Variants in TRAF7 observed in about 807,000 individuals in gnomAD.
The protein encoded by TRAF7 is E3 ubiquitin-protein ligase TRAF7.
In TRAF7, 45 loss-of-function variants were observed where a neutral mutation model predicts 89.3. That is an observed-to-expected ratio of 0.50 (90% CI 0.40 to 0.65). The LOEUF (loss-of-function observed/expected upper bound fraction) is 0.65. Ranked by LOEUF, TRAF7 falls within the 30% of genes least tolerant of loss-of-function variation. The probability of loss-of-function intolerance (pLI) is 0.00; values close to 1 mark genes in which losing one functional copy is unlikely to be tolerated. For synonymous variants in TRAF7, 406 were observed against 369.2 expected, an observed-to-expected ratio of 1.10 and a Z score of -1.14; for missense variants, 677 against 918.1, an observed-to-expected ratio of 0.74 and a Z score of 3.39.
chr16:2,175,020 T>C, intron 14 of TRAF7, 91 bp from the exon 15 acceptor site: 1 of 1,528,822 alleles, frequency 6.5e-7, no homozygotes, highest in Non-Finnish European at 9.1e-7. Flanking sequence ...TGCTGGTTCC[T>C]GATGGCTGGC....
At chr16:2,171,033 G>T (rs999207359) in intron 5 of TRAF7, among the ~76,000 whole-genome samples, 1 of 152,190 alleles carries the variant, frequency 6.6e-6, no homozygotes, top group African/African-American at 2.4e-5. Context: ...GGCGGCCAAG[G>T]CTGGGCGGCT....
In TRAF7 at chr16:2,159,663, C is replaced by G. The variant is rs956314820; in HGVS notation, c.-39+3805C>G. 1.3e-5 allele frequency among the ~76,000 whole-genome samples: 2 copies of G among 152,212 alleles called. No individual in the cohort carries two copies. Among genetic ancestry groups the G allele is most frequent in the African/African-American group, 4.8e-5 (2 of 41,456 alleles). ...CGCAGTCCAGCCAGCCGGCCACACACAGCCCTGTGGCAGGCGGGGCGGAGG... is the reference window on the plus strand; with the variant it reads ...CGCAGTCCAGCCAGCCGGCCACACAGAGCCCTGTGGCAGGCGGGGCGGAGG... On this transcript the variant is annotated intron_variant, in intron 1 of 20. Coordinates refer to ENST00000326181, the MANE Select transcript of TRAF7 (RefSeq NM_032271.3). The surrounding 1 kb of genome is among the most constrained non-coding windows in gnomAD (Gnocchi z 6.5).
chr16:2,170,580 G>A lies in TRAF7; in HGVS notation c.232-34G>A, dbSNP rs1314285411. 4 of 1,560,416 alleles carry A rather than the reference G, an allele frequency of 2.6e-6. No homozygotes were observed. In the African/African-American group the frequency reaches 5.5e-5, roughly 21 times the overall value. ...CTCCCCGAGGCTCTGACCCCGTGCG[G>A]AGCCCCCCGACAGGCGCCTCTCCCT... On this transcript the variant is annotated intron_variant, in intron 4 of 20. Coordinates refer to ENST00000326181, the MANE Select transcript of TRAF7 (RefSeq NM_032271.3).
In TRAF7 at chr16:2,168,688, T is replaced by C. The variant is rs1466378335; in HGVS notation, c.231+520T>C. On this transcript the variant is annotated intron_variant, in intron 4 of 20. Transcript: ENST00000326181. The surrounding 1 kb of genome is among the most constrained non-coding windows in gnomAD (Gnocchi z 4.1). ...GTGCTGGGGGAGCCGGAGAATTCCCTGTTGCTGGCTGTGTGAGGTGCAGAA... is the reference window on the plus strand; with the variant it reads ...GTGCTGGGGGAGCCGGAGAATTCCCCGTTGCTGGCTGTGTGAGGTGCAGAA... 6.6e-6 allele frequency among the ~76,000 whole-genome samples: 1 copy of C among 151,930 alleles called. No homozygotes were observed. The highest frequency in any genetic ancestry group is 2.4e-5 in the African/African-American group (1 of 41,350).
chr16:2,170,575 G>A (rs369941998), intron 4 of TRAF7, 39 bp from the exon 5 acceptor site: 19 of 1,533,906 alleles, frequency 1.2e-5, no homozygotes, highest in East Asian at 4.6e-5. Flanking sequence ...CTCTGACCCC[G>A]TGCGGAGCCC....
intron 2 of TRAF7, 125 bp downstream of exon 2, chr16:2,164,126 T>TG (rs796357690): frequency 0.019 from 9,281 of 499,632 alleles, 20 homozygotes; most frequent in Non-Finnish European, 0.018. Context: ...GGGAGCTCGG[T>TG]GGGGGGGGGT....
rs2093062082 is a variant in TRAF7 at position 2,162,552 on chromosome 16, A to G, written c.-38-1331A>G. ...ACCAGCTCCGCCACTTTGGCCTGGG[A>G]CTGGGACTGTCCTGCTCCTCTCAGG... is the stretch of plus-strand genomic sequence containing the variant. On this transcript the variant is annotated intron_variant, in intron 1 of 20. Coordinates refer to ENST00000326181, the MANE Select transcript of TRAF7 (RefSeq NM_032271.3). This position sits in a 1 kb window ranked among gnomAD's most constrained non-coding sequence, Gnocchi z 5.0. 6.6e-6 allele frequency among the ~76,000 whole-genome samples: 1 copy of G among 152,020 alleles called. No individual in the cohort carries two copies. The highest frequency in any genetic ancestry group is 1.5e-5 in the Non-Finnish European group (1 of 67,960).
In TRAF7 at chr16:2,165,911, T is replaced by G; in HGVS notation, c.114T>G (p.Phe38Leu). 6.2e-7 allele frequency: 1 copy of G among 1,614,128 alleles called. No homozygotes were observed. Among genetic ancestry groups the G allele is most frequent in the Non-Finnish European group, 8.5e-7 (1 of 1,179,976 alleles). The change falls in exon 3 of 21, where the codon TTT (phenylalanine) becomes TTG (leucine). Residue 38 changes from phenylalanine (F) to leucine (L), a missense_variant. Coordinates refer to ENST00000326181, the MANE Select transcript of TRAF7 (RefSeq NM_032271.3). Reference sequence around the variant, plus strand: ...TGGAAACGACCTTCGGACCCGCCTTTTCAGCCGTCACCACCATCACAAAAG... The same window carrying G: ...TGGAAACGACCTTCGGACCCGCCTTGTCAGCCGTCACCACCATCACAAAAG... ...TRMETTFGPA[F>L]SAVTTITKAD...
In TRAF7 at chr16:2,171,588, G is replaced by T; in HGVS notation, c.458G>T (p.Arg153Ile). 1 of 1,613,330 alleles carries T rather than the reference G, an allele frequency of 6.2e-7. No homozygotes were observed. Among genetic ancestry groups the T allele is most frequent in the African/African-American group, 1.3e-5 (1 of 75,054 alleles). Residue 153 changes from arginine to isoleucine, a missense_variant, in exon 7 of 21, where the codon AGA becomes ATA. Coordinates refer to ENST00000326181, the MANE Select transcript of TRAF7 (RefSeq NM_032271.3). ...ITTCGHTFCR[R>I]CALKSEKCPV... ...CCTCCACAGCACACGTTCTGTAGGA[G>T]ATGCGCCTTGAAGTCAGGTAGGTTT... is the stretch of plus-strand genomic sequence containing the variant.
rs772638624 is a variant in TRAF7 at position 2,172,243 on chromosome 16, G to A, written c.528G>A (p.Ala176=). The part of the protein sequence containing the change: ...VKLTVVVNNI[A]VAEQIGELFI... ...TGACCGTGGTGGTGAACAACATCGC[G>A]GTGGCCGAGCAGATCGGGGAGCTCT... The change falls in exon 8 of 21, where the codon GCG becomes GCA. Residue 176 remains alanine, a synonymous_variant. Transcript: ENST00000326181. The A allele has an allele frequency of 3.5e-5, 56 of 1,612,922 alleles. No homozygotes were observed. The highest frequency in any genetic ancestry group is 4.4e-5 in the Non-Finnish European group (52 of 1,180,002).
At chr16:2,156,344 C>T (rs973227599) in intron 1 of TRAF7, among the ~76,000 whole-genome samples, 1 of 152,192 alleles carries the variant, frequency 6.6e-6, no homozygotes, top group Non-Finnish European at 1.5e-5. Context: ...AACACCACCC[C>T]TTCCTCAATT....
At chr16:2,169,489 C>T (rs1016782324) in intron 4 of TRAF7, among the ~76,000 whole-genome samples, 11 of 152,046 alleles carry the variant, frequency 7.2e-5, no homozygotes, top group South Asian at 2.1e-4. Flanking sequence ...TCAAGAGAGG[C>T]GGGTACCTTC....
chr16:2,164,122 T>C (rs1453433316), intron 2 of TRAF7, 121 bp downstream of exon 2: 5 of 703,074 alleles, frequency 7.1e-6, no homozygotes, highest in Non-Finnish European at 1.1e-5. Context: ...TCAGGGGAGC[T>C]CGGTGGGGGG....
Position 2,177,941 on chromosome 16 carries a change from G to C in TRAF7, c.*1367G>C, listed in dbSNP as rs2093147634. ...CTGGCCGGAGGAAGGACCGCAGGCA[G>C]ACAGCCTGGGCCTCTAACAGCTTTT... On this transcript the variant is annotated 3_prime_UTR_variant, in exon 21 of 21. Coordinates refer to ENST00000326181, the MANE Select transcript of TRAF7 (RefSeq NM_032271.3). 7 of 348,646 alleles carry C rather than the reference G, an allele frequency of 2.0e-5. No individual in the cohort carries two copies. Among genetic ancestry groups the C allele is most frequent in the South Asian group, 1.7e-4 (6 of 34,288 alleles). 21.6% of individuals were successfully genotyped at this position (348,646 alleles called of 1,614,324 possible).
At chr16:2,155,949 C>T (rs1231080163) in intron 1 of TRAF7, 91 bp downstream of exon 1, 1 of 98,756 alleles carries the variant, frequency 1.0e-5, no homozygotes, top group African/African-American at 4.1e-5. Flanking sequence ...CGAGGCGAGG[C>T]GAGGCGAGGC....
chr16:2,162,710 G>T lies in TRAF7; in HGVS notation c.-38-1173G>T, dbSNP rs1428927549. Among the ~76,000 whole-genome samples, 2 of 152,064 alleles carry T rather than the reference G, an allele frequency of 1.3e-5. No individual in the cohort carries two copies. The highest frequency in any genetic ancestry group is 2.4e-5 in the African/African-American group (1 of 41,434). On this transcript the variant is annotated intron_variant, in intron 1 of 20. Coordinates refer to ENST00000326181, the MANE Select transcript of TRAF7 (RefSeq NM_032271.3). This position sits in a 1 kb window ranked among gnomAD's most constrained non-coding sequence, Gnocchi z 5.0. ...TCCTGCCTTGGGAGCTGAGCCCATG[G>T]TGTGTCCTCATGGGGTGCTGCGCAT...
At position 2,162,265 on chromosome 16, in the gene TRAF7, G is replaced by A. The variant is rs2093060990; in HGVS notation, c.-38-1618G>A. On this transcript the variant is annotated intron_variant, in intron 1 of 20. Transcript: ENST00000326181. The surrounding 1 kb of genome is among the most constrained non-coding windows in gnomAD (Gnocchi z 5.0). ...TAGAGAATGGGAGAGGAGACAGCAG[G>A]AGTGGTAGACAGCCCAGGAGCTCAG... Among the ~76,000 whole-genome samples the A allele has an allele frequency of 6.6e-6, 1 of 151,152 alleles. No homozygotes were observed. The highest frequency in any genetic ancestry group is 6.5e-5 in the Admixed American group (1 of 15,294).
rs771912754 is a variant in TRAF7, at chr16:2,175,971, G to A, written c.1746+18G>A. ...TCATCCACGTAAGGCCTGGGCATCTGGGTGCAAGGCCAGACTGTGGCCCCG... is the reference window on the plus strand; with the variant it reads ...TCATCCACGTAAGGCCTGGGCATCTAGGTGCAAGGCCAGACTGTGGCCCCG... On this transcript the variant is annotated intron_variant, in intron 18 of 20. Transcript: ENST00000326181. The A allele has an allele frequency of 1.2e-6, 2 of 1,612,954 alleles. No homozygotes were observed. Among genetic ancestry groups the A allele is most frequent in the Admixed American group, 1.7e-5 (1 of 59,996 alleles).
At position 2,173,839 on chromosome 16, in the gene TRAF7, G is replaced by A; in HGVS notation, c.1135+3G>A. ...GCTGAACATGGGCATCCTAGGCTGTGAGTATGGACCCGCCGTGGCTCCCGC... is the reference window on the plus strand; with the variant it reads ...GCTGAACATGGGCATCCTAGGCTGTAAGTATGGACCCGCCGTGGCTCCCGC... On this transcript the variant is annotated splice_donor_region_variant and intron_variant, in intron 12 of 20. Coordinates refer to ENST00000326181, the MANE Select transcript of TRAF7 (RefSeq NM_032271.3). 2 of 1,611,206 alleles carry A rather than the reference G, an allele frequency of 1.2e-6. No homozygotes were observed. Among genetic ancestry groups the A allele is most frequent in the Non-Finnish European group, 1.7e-6 (2 of 1,179,888 alleles).
Sources: allele counts gnomAD v4.1 joint callset (sites outside exome capture counted in the v4.1 genomes callset), GRCh38; gene constraint gnomAD v4.1.1; non-coding constraint Gnocchi (gnomAD v3.1); transcripts MANE v1.5; gene names NCBI Gene and HGNC (gene_info 2026-07-23, HGNC 2026-07-21).